The following SIN3A variants were observed in gnomAD, a reference collection of about 807,000 sequenced individuals.
The protein encoded by SIN3A is SIN3 transcription regulator family member A, also known as paired amphipathic helix protein Sin3a.
Under a neutral mutation model 146.1 loss-of-function variants are expected in SIN3A, and 14 were observed. The observed-to-expected ratio is 0.10, with a 90% confidence interval of 0.06 to 0.15. The LOEUF (loss-of-function observed/expected upper bound fraction) is 0.15, where lower values mean the gene tolerates loss of function less well. Ranked by LOEUF, SIN3A falls within the 10% of genes least tolerant of loss-of-function variation. The pLI is 1.00. For synonymous variants in SIN3A, 572 were observed against 572.0 expected (o/e 1.00, Z 0.00); for missense variants, 1,028 against 1,576.0 (o/e 0.65, Z 5.89).
chr15:75,392,948 G>A, intron 14 of SIN3A, 133 bp from the exon 15 acceptor site: 1 of 697,758 alleles, frequency 1.4e-6, no homozygotes, highest in Non-Finnish European at 2.3e-6. Flanking sequence ...TTAGGACCTG[G>A]GACTGGGAGC....
intron 3 of SIN3A, among the ~76,000 whole-genome samples, chr15:75,417,075 T>C (rs1216615080): frequency 6.6e-6 from 1 of 152,058 alleles, no homozygotes; most frequent in Admixed American, 6.6e-5. Flanking sequence ...ATTGTCCATG[T>C]TCTGCCTGAA....
chr15:75,451,049 A>C (rs1233058966), intron 1 of SIN3A, among the ~76,000 whole-genome samples: 1 of 143,622 alleles, frequency 7.0e-6, no homozygotes, highest in East Asian at 2.3e-4. Flanking sequence ...AGCAGGCCAG[A>C]GCGCGGCCGC....
At chr15:75,398,799 C>CA (rs1410408943) in intron 12 of SIN3A, among the ~76,000 whole-genome samples, 1 of 151,824 alleles carries the variant, frequency 6.6e-6, no homozygotes, top group African/African-American at 2.4e-5. Flanking sequence ...CGCTTGGACC[C>CA]AAGAGTTTGA....
chr15:75,451,010 G>T (rs1265868609), intron 1 of SIN3A, among the ~76,000 whole-genome samples: 2 of 151,682 alleles, frequency 1.3e-5, no homozygotes, highest in Non-Finnish European at 2.9e-5. Flanking sequence ...CTACACGCGG[G>T]AGACCCCCCC....
chr15:75,412,890 T>A lies in SIN3A; in HGVS notation c.629A>T (p.Gln210Leu). The stretch of plus-strand genomic sequence containing the variant: ...TGGCTGGATGCCATGGGTGGGAATC[T>A]GATGAACCTGGCCAGGAGTTGTCAC... Reference protein sequence around the residue: ...VNVTTPGQVHQIPTHGIQPQP... With the variant: ...VNVTTPGQVHLIPTHGIQPQP... Residue 210 changes from glutamine (Q) to leucine (L), a missense_variant, in exon 5 of 21, where the codon CAG (glutamine) becomes CTG (leucine). Coordinates refer to ENST00000394947, the MANE Select transcript of SIN3A (RefSeq NM_001145358.2). 1.2e-6 allele frequency: 2 copies of A among 1,613,958 alleles called. No homozygotes were observed. Among genetic ancestry groups the A allele is most frequent in the African/African-American group, 2.7e-5 (2 of 74,996 alleles).
At chr15:75,374,609 T>C (rs2072818449) in intron 20 of SIN3A, among the ~76,000 whole-genome samples, 1 of 152,218 alleles carries the variant, frequency 6.6e-6, no homozygotes, top group Non-Finnish European at 1.5e-5. Context: ...GGCCTATCAT[T>C]AGACAAAGTG....
intron 10 of SIN3A, 119 bp downstream of exon 10, chr15:75,401,733 C>G: frequency 3.0e-6 from 2 of 655,928 alleles, no homozygotes; most frequent in Non-Finnish European, 5.4e-6. Flanking sequence ...CTGGCACTAA[C>G]ATTTGAGTCA....
intron 16 of SIN3A, 110 bp downstream of exon 16, chr15:75,389,542 C>T (rs2141415303): frequency 2.9e-6 from 3 of 1,026,712 alleles, no homozygotes; most frequent in East Asian, 4.8e-5. Context: ...CAGAACCCTA[C>T]GTTCATAAAC....
chr15:75,380,820 G>T, intron 18 of SIN3A, 97 bp from the exon 19 acceptor site: 1 of 805,050 alleles, frequency 1.2e-6, no homozygotes, highest in Non-Finnish European at 2.1e-6. Flanking sequence ...ACAATGCCCC[G>T]AATTCATAAA....
intron 16 of SIN3A, among the ~76,000 whole-genome samples, chr15:75,385,171 C>G (rs183995608): frequency 1.5e-3 from 235 of 152,154 alleles, no homozygotes; most frequent in South Asian, 0.011. Flanking sequence ...AGGAAGGGAG[C>G]CTTGGAGAAT....
At chr15:75,406,242 C>CT (rs746335226) in intron 9 of SIN3A, among the ~76,000 whole-genome samples, 1 of 152,184 alleles carries the variant, frequency 6.6e-6, no homozygotes, top group Non-Finnish European at 1.5e-5. Flanking sequence ...TGTGGCCAAA[C>CT]TAAGGCACCA....
rs2073611283 is a variant in SIN3A, at chr15:75,410,424, C to A, written c.1009-138G>T. The A allele has an allele frequency of 4.0e-6, 3 of 746,604 alleles. No homozygotes were observed. The South Asian group carries it at 7.0e-5, about 18-fold the overall frequency. 46.2% of individuals were successfully genotyped at this position (746,604 alleles called of 1,614,324 possible). A position where few individuals can be genotyped will look rare whatever the true frequency, so the allele number is the denominator to read the frequency against. ...CTATGTTCTTAGCACCCGTTCTGACCACAGACTTTCAAGTTGAGAAAAAAA... is the reference window on the plus strand; with the variant it reads ...CTATGTTCTTAGCACCCGTTCTGACAACAGACTTTCAAGTTGAGAAAAAAA... On this transcript the variant is annotated intron_variant, in intron 6 of 20. Transcript: ENST00000394947.
At chr15:75,384,886 C>T (rs2073050417) in intron 16 of SIN3A, among the ~76,000 whole-genome samples, 3 of 152,104 alleles carry the variant, frequency 2.0e-5, no homozygotes, top group African/African-American at 7.2e-5. Flanking sequence ...GACAAATTTA[C>T]ACAATGCATC....
chr15:75,440,584 A>G (rs1020512516), intron 1 of SIN3A, among the ~76,000 whole-genome samples: 19 of 152,288 alleles, frequency 1.2e-4, no homozygotes, highest in Admixed American at 1.0e-3. Flanking sequence ...ACTGGGAGAT[A>G]TAAATATCCA....
intron 16 of SIN3A, among the ~76,000 whole-genome samples, chr15:75,387,361 C>CA (rs1345294343): frequency 2.0e-5 from 3 of 151,982 alleles, no homozygotes; most frequent in Non-Finnish European, 4.4e-5. Context: ...TCCATCTCTA[C>CA]AAAAAATACA....
intron 20 of SIN3A, among the ~76,000 whole-genome samples, chr15:75,372,833 A>AC (rs1029696025): frequency 6.6e-6 from 1 of 151,530 alleles, no homozygotes; most frequent in African/African-American, 2.4e-5. Context: ...AAAAAAAAAA[A>AC]AAAAAAACCC....
intron 5 of SIN3A, among the ~76,000 whole-genome samples, chr15:75,412,237 C>G (rs2073654049): frequency 6.6e-6 from 1 of 152,192 alleles, no homozygotes; most frequent in South Asian, 2.1e-4. Flanking sequence ...AAAGCTAGTG[C>G]AAATGAAAAA....
chr15:75,421,074 A>C (rs2073834114), intron 3 of SIN3A: 1 of 152,236 alleles, frequency 6.6e-6, no homozygotes, highest in Admixed American at 6.5e-5. Context: ...GGGTTGATTG[A>C]AAAAGGCTAT....
At chr15:75,440,965 G>C (rs1472052173) in intron 1 of SIN3A, among the ~76,000 whole-genome samples, 2 of 134,036 alleles carry the variant, frequency 1.5e-5, no homozygotes, top group African/African-American at 5.9e-5. Flanking sequence ...CTGGGTGACA[G>C]AGCGAAGACT....
Sources: allele counts gnomAD v4.1 joint callset (sites outside exome capture counted in the v4.1 genomes callset), GRCh38; gene constraint gnomAD v4.1.1; transcripts MANE v1.5; gene names NCBI Gene and HGNC (gene_info 2026-07-23, HGNC 2026-07-21).